The following THAP9 variants were observed in gnomAD, a reference collection of about 807,000 sequenced individuals.
THAP9 encodes the protein DNA transposase THAP9.
In THAP9, 20 loss-of-function variants were observed where a neutral mutation model predicts 35.7. The ratio of observed to expected loss-of-function variants is 0.56; its 90% CI spans 0.39 to 0.81. The LOEUF is 0.81. Among genes scored for constraint, THAP9 ranks in the 40% least tolerant of loss-of-function variants. The pLI is 0.00. For missense variants in THAP9, 870 were observed against 1,047.4 expected (o/e 0.83, Z 2.34); for synonymous variants, 335 against 373.7 (o/e 0.90, Z 1.19).
intron 3 of THAP9, among the ~76,000 whole-genome samples, chr4:82,907,038 G>A (rs1273550889): frequency 6.6e-6 from 1 of 152,058 alleles, no homozygotes; most frequent in Non-Finnish European, 1.5e-5. Flanking sequence ...GTACTAGTTT[G>A]CAGAATTTCT....
Position 82,918,400 on chromosome 4 carries a change from T to C in THAP9, c.2188T>C (p.Leu730=), listed in dbSNP as rs1721120619. 2 of 1,614,176 alleles carry C rather than the reference T, an allele frequency of 1.2e-6. No homozygotes were observed. The highest frequency in any genetic ancestry group is 1.7e-6 in the Non-Finnish European group (2 of 1,179,986). ...GYVANKLSAL[L]TCEDCITALY... ...TGTTGCAAACAAGTTATCAGCTCTT[T>C]TAACTTGTGAGGACTGCATCACTGC... The change falls in exon 5 of 5, where the codon TTA becomes CTA. Residue 730 remains leucine, a synonymous_variant. Coordinates refer to ENST00000302236, the MANE Select transcript of THAP9 (RefSeq NM_024672.6).
At chr4:82,910,643 A>C in intron 4 of THAP9, 2 of 499,302 alleles carry the variant, frequency 4.0e-6, no homozygotes, top group South Asian at 4.9e-5. Context: ...CTTAAGTATT[A>C]GATCTTTATA....
chr4:82,901,050 T>TCTCAATTCTCACAG, intron 1 of THAP9, 168 bp downstream of exon 1: 1 of 815,544 alleles, frequency 1.2e-6, no homozygotes, highest in Non-Finnish European at 2.1e-6. Context: ...ACTGTGAGAA[T>TCTCAATTCTCACAG]TGAGATTCTC....
rs1328169995 is a variant in THAP9 at position 82,919,436 on chromosome 4, A to G, written c.*512A>G. The stretch of plus-strand genomic sequence containing the variant: ...GCTCAAGCAAATATCAAATACTGCA[A>G]AAATCCCCTTGTCCCAGGATACCCT... On this transcript the variant is annotated 3_prime_UTR_variant, in exon 5 of 5. Coordinates refer to ENST00000302236, the MANE Select transcript of THAP9 (RefSeq NM_024672.6). 1.3e-5 allele frequency: 2 copies of G among 152,552 alleles called. No individual in the cohort carries two copies. Among genetic ancestry groups the G allele is most frequent in the African/African-American group, 2.4e-5 (1 of 41,458 alleles). The allele number at this position is 152,552 out of a possible 1,614,324, so 9.4% of individuals were successfully genotyped here. A position where few individuals can be genotyped will look rare whatever the true frequency, so the allele number is the denominator to read the frequency against.
chr4:82,907,769 A>C lies in THAP9; in HGVS notation c.581-16A>C. 1 of 1,561,672 alleles carries C rather than the reference A, an allele frequency of 6.4e-7. No individual in the cohort carries two copies. Among genetic ancestry groups the C allele is most frequent in the South Asian group, 1.2e-5 (1 of 81,242 alleles). On this transcript the variant is annotated splice_polypyrimidine_tract_variant and intron_variant, in intron 3 of 4. Transcript: ENST00000302236. Reference sequence around the variant, plus strand: ...TTACTATTCATCACAAAGAATAAAAAAATTTATTTTAACAGATTTTAAGTG... The same window carrying C: ...TTACTATTCATCACAAAGAATAAAACAATTTATTTTAACAGATTTTAAGTG...
intron 4 of THAP9, among the ~76,000 whole-genome samples, chr4:82,911,316 G>A (rs2126014598): frequency 6.6e-6 from 1 of 151,694 alleles, no homozygotes; most frequent in Admixed American, 6.6e-5. Flanking sequence ...TCTCGGCTGG[G>A]CACAGTGACT....
intron 4 of THAP9, among the ~76,000 whole-genome samples, chr4:82,912,653 G>C (rs1381867901): frequency 6.6e-6 from 1 of 152,186 alleles, no homozygotes; most frequent in Non-Finnish European, 1.5e-5. Flanking sequence ...ATTATGTGCA[G>C]CTGAAATCCT....
Position 82,900,898 on chromosome 4 carries a change from G to A in THAP9, c.80+16G>A. 6.2e-7 allele frequency: 1 copy of A among 1,612,600 alleles called. No individual in the cohort carries two copies. ...CCTTCCACCAGTGCGTATGGGAGCA[G>A]CCTCGAAGCCTTCGAACTCCCTGCG... On this transcript the variant is annotated intron_variant, in intron 1 of 4. Transcript: ENST00000302236.
chr4:82,909,097 G>A (rs1026103868), intron 4 of THAP9, among the ~76,000 whole-genome samples: 1 of 149,802 alleles, frequency 6.7e-6, no homozygotes, highest in African/African-American at 2.5e-5. Context: ...AGTAGAGGTG[G>A]GATTTCACCG....
Position 82,918,765 on chromosome 4 carries a change from T to C in THAP9, c.2553T>C (p.Val851=). The C allele has an allele frequency of 6.2e-7, 1 of 1,613,872 alleles. No individual in the cohort carries two copies. The highest frequency in any genetic ancestry group is 8.5e-7 in the Non-Finnish European group (1 of 1,179,914). The change falls in exon 5 of 5, where the codon GTT becomes GTC. Residue 851 remains valine, a synonymous_variant. Transcript: ENST00000302236. ...ICFLNIRAKN[V]AQNPLKHHSE... The stretch of plus-strand genomic sequence containing the variant: ...TCTTAAATATCAGAGCTAAAAATGT[T>C]GCACAGAATCCTTTAAAACATCATT...
rs368120049 is a variant in THAP9 at position 82,917,046 on chromosome 4, A to C, written c.834A>C (p.Ser278=). 3 of 1,611,816 alleles carry C rather than the reference A, an allele frequency of 1.9e-6. No homozygotes were observed. Among genetic ancestry groups the C allele is most frequent in the African/African-American group, 2.7e-5 (2 of 74,896 alleles). The change falls in exon 5 of 5, where the codon TCA becomes TCC. Residue 278 remains serine, a synonymous_variant. Transcript: ENST00000302236. ...ENGDQLYQYC[S]LLIKSMPLKQ... ...GAGATCAGCTCTATCAATACTGTTC[A>C]TTGTTAATAAAAAGTATGCCTCTCA...
Position 82,917,875 on chromosome 4 carries a change from G to T in THAP9, c.1663G>T (p.Val555Phe). 1.2e-6 allele frequency: 2 copies of T among 1,613,138 alleles called. No individual in the cohort carries two copies. The highest frequency in any genetic ancestry group is 1.7e-6 in the Non-Finnish European group (2 of 1,179,814). Residue 555 changes from valine to phenylalanine, a missense_variant, in exon 5 of 5, where the codon GTT becomes TTT. This residue lies in a region of THAP9 where 414 missense variants were observed against 500.8 expected (regional missense o/e 0.83). Coordinates refer to ENST00000302236, the MANE Select transcript of THAP9 (RefSeq NM_024672.6). ...HVLIEAKTIFVTLSDTSNNQI... is the reference protein window; with the variant it reads ...HVLIEAKTIFFTLSDTSNNQI... The stretch of plus-strand genomic sequence containing the variant: ...GTTAATTGAAGCCAAGACTATTTTT[G>T]TTACATTATCTGACACTAGCAATAA...
chr4:82,901,837 G>A (rs1413779336), intron 1 of THAP9, among the ~76,000 whole-genome samples: 1 of 151,954 alleles, frequency 6.6e-6, no homozygotes, highest in Non-Finnish European at 1.5e-5. Context: ...TTGTGATAGA[G>A]GTAGTTTTAA....
intron 1 of THAP9, among the ~76,000 whole-genome samples, 199 bp from the exon 2 acceptor site, chr4:82,904,533 CAAAG>C (rs1462361370): frequency 2.0e-5 from 3 of 151,800 alleles, no homozygotes; most frequent in African/African-American, 7.3e-5. Context: ...CTATGATTGA[CAAAG>C]AAAAATCAGA....
At chr4:82,910,247 T>C (rs1030428139) in intron 4 of THAP9, 117 of 152,116 alleles carry the variant, frequency 7.7e-4, no homozygotes, top group African/African-American at 2.7e-3. Context: ...AAACAGTTGC[T>C]CATTTCTTTA....
rs1721137808 is a variant in THAP9, at chr4:82,918,727, A to G, written c.2515A>G (p.Ile839Val). ...TCACTTTGTCAAGTTGCTAAAGGAT[A>G]TAATAATCTGTTTCTTAAATATCAG... ...INHFVKLLKD[I>V]IICFLNIRAK... The change falls in exon 5 of 5, where the codon ATA becomes GTA. Residue 839 changes from isoleucine (I) to valine (V), a missense_variant. Ile to Val is a conservative substitution (Grantham distance 29, BLOSUM62 3). Transcript: ENST00000302236. The G allele has an allele frequency of 1.9e-6, 3 of 1,613,990 alleles. No homozygotes were observed. The highest frequency in any genetic ancestry group is 2.5e-6 in the Non-Finnish European group (3 of 1,179,908).
chr4:82,901,771 A>G (rs1327990902), intron 1 of THAP9, among the ~76,000 whole-genome samples: 1 of 150,420 alleles, frequency 6.6e-6, no homozygotes, highest in East Asian at 1.9e-4. Flanking sequence ...CTAAATTGTT[A>G]GCAGTGTGAA....
chr4:82,917,678 C>T lies in THAP9; in HGVS notation c.1466C>T (p.Ala489Val), dbSNP rs200375076. 1 of 1,612,666 alleles carries T rather than the reference C, an allele frequency of 6.2e-7. No individual in the cohort carries two copies. Among genetic ancestry groups the T allele is most frequent in the Non-Finnish European group, 8.5e-7 (1 of 1,179,212 alleles). The change falls in exon 5 of 5, where the codon GCA (alanine) becomes GTA (valine). Residue 489 changes from alanine (A) to valine (V), a missense_variant. Ala to Val is a moderately conservative substitution (Grantham distance 64, BLOSUM62 0). Transcript: ENST00000302236. ...TQLFSESVAS[A>V]LEYLLSLDLP... The stretch of plus-strand genomic sequence containing the variant: ...CTCTTTAGTGAGAGTGTAGCCAGTG[C>T]ATTAGAATATTTGTTATCCTTAGAC...
chr4:82,905,479 C>T (rs1327224580), intron 2 of THAP9, among the ~76,000 whole-genome samples: 1 of 152,164 alleles, frequency 6.6e-6, no homozygotes. Flanking sequence ...ACTTTCTGCA[C>T]AGTCTGTGAT....
Sources: allele counts gnomAD v4.1 joint callset (sites outside exome capture counted in the v4.1 genomes callset), GRCh38; gene constraint gnomAD v4.1.1; regional missense constraint gnomAD v4.1.1; transcripts MANE v1.5; gene names NCBI Gene and HGNC (gene_info 2026-07-23, HGNC 2026-07-21).